The following RGPD5 variants were observed in gnomAD, a reference collection of about 807,000 sequenced individuals.
RGPD5 encodes the protein RANBP2-like and GRIP domain-containing protein 5/6.
At chr2:109,760,860 C>T in the RGPD5 span, among the ~76,000 whole-genome samples, 1 of 130,140 alleles carries the variant, frequency 7.7e-6, no homozygotes, top group Non-Finnish European at 1.6e-5. Flanking sequence ...GCCGGGTGCT[C>T]CGGGCGGCCG....
At chr2:109,766,161 G>A in the RGPD5 span, among the ~76,000 whole-genome samples, 1 of 150,972 alleles carries the variant, frequency 6.6e-6, no homozygotes, top group Non-Finnish European at 1.5e-5. Flanking sequence ...TTGGCCCTCA[G>A]CATGGGCCTG....
At chr2:109,799,182 T>G (rs1573999145) in intron 1 of RGPD5, among the ~76,000 whole-genome samples, 1 of 77,354 alleles carries the variant, frequency 1.3e-5, no homozygotes, top group East Asian at 3.5e-4. Context: ...GAGGTTGCAG[T>G]GAGCTGAGAT....
the RGPD5 span, among the ~76,000 whole-genome samples, chr2:109,763,989 A>G: frequency 2.1e-5 from 3 of 144,664 alleles, no homozygotes; most frequent in African/African-American, 7.7e-5. Context: ...ATAATTCACA[A>G]CTACCTCCTT....
chr2:109,765,609 G>T, the RGPD5 span, among the ~76,000 whole-genome samples: 1 of 150,168 alleles, frequency 6.7e-6, no homozygotes, highest in East Asian at 2.1e-4. Context: ...ATGGGTCCTG[G>T]AGTAGAATTT....
At chr2:109,764,301 C>T in the RGPD5 span, among the ~76,000 whole-genome samples, 3 of 146,750 alleles carry the variant, frequency 2.0e-5, no homozygotes, top group African/African-American at 2.5e-5. Context: ...TATGCAGAGG[C>T]GCAAGGCTGC....
the RGPD5 span, among the ~76,000 whole-genome samples, chr2:109,766,320 C>A: frequency 6.6e-6 from 1 of 150,848 alleles, no homozygotes; most frequent in Non-Finnish European, 1.5e-5. Flanking sequence ...GTTGCATCCG[C>A]TGTGGAGGAG....
At chr2:109,771,211 T>G in the RGPD5 span, among the ~76,000 whole-genome samples, 1 of 18,012 alleles carries the variant, frequency 5.6e-5, no homozygotes, top group Non-Finnish European at 8.9e-5. Flanking sequence ...CTACTCCAAC[T>G]CACATCTATG....
the RGPD5 span, among the ~76,000 whole-genome samples, chr2:109,766,846 C>T: frequency 2.0e-5 from 3 of 149,922 alleles, no homozygotes; most frequent in South Asian, 2.2e-4. Context: ...ATCGAGGCCC[C>T]GTAAAAGACG....
At chr2:109,763,428 A>G in the RGPD5 span, among the ~76,000 whole-genome samples, 1 of 150,348 alleles carries the variant, frequency 6.7e-6, no homozygotes, top group South Asian at 2.2e-4. Flanking sequence ...TTCAAAGCCC[A>G]GTGATCTGAC....
intron 1 of RGPD5, among the ~76,000 whole-genome samples, chr2:109,799,124 T>C (rs1288514911): frequency 3.7e-5 from 1 of 27,056 alleles, no homozygotes; most frequent in Non-Finnish European, 5.7e-5. Context: ...AAAAATTAGC[T>C]GGGCATGGTG....
the RGPD5 span, among the ~76,000 whole-genome samples, chr2:109,767,230 A>G: frequency 1.4e-5 from 2 of 146,772 alleles, no homozygotes; most frequent in South Asian, 4.6e-4. Flanking sequence ...GAAAGGCCGC[A>G]TAAGGTCAGA....
At chr2:109,770,072 A>C in the RGPD5 span, among the ~76,000 whole-genome samples, 1 of 108,560 alleles carries the variant, frequency 9.2e-6, no homozygotes, top group Non-Finnish European at 1.8e-5. Flanking sequence ...CACACACCAA[A>C]AAAAAGACTG....
intron 1 of RGPD5, 70 bp downstream of exon 1, chr2:109,794,607 G>GCC (rs1491536785): frequency 1.0e-5 from 5 of 488,750 alleles, no homozygotes; most frequent in Admixed American, 4.1e-4. Flanking sequence ...GGCGGCGGCG[G>GCC]CGGGGGGGGC....
the RGPD5 span, among the ~76,000 whole-genome samples, chr2:109,765,371 T>A: frequency 1.3e-5 from 2 of 150,336 alleles, 1 homozygote; most frequent in African/African-American, 4.9e-5. Flanking sequence ...TTTCCTGTCC[T>A]CTTTCTTTCT....
the RGPD5 span, among the ~76,000 whole-genome samples, chr2:109,760,649 C>T: frequency 7.0e-6 from 1 of 142,754 alleles, no homozygotes; most frequent in Non-Finnish European, 1.5e-5. Flanking sequence ...CCTTTCGTCG[C>T]AGCGCGCGGG....
At chr2:109,760,856 T>G in the RGPD5 span, among the ~76,000 whole-genome samples, 103 of 121,848 alleles carry the variant, frequency 8.5e-4, no homozygotes, top group Admixed American at 1.5e-3. Context: ...CTGGGCCGGG[T>G]GCTCCGGGCG....
the RGPD5 span, among the ~76,000 whole-genome samples, chr2:109,761,688 A>G: frequency 6.8e-6 from 1 of 147,526 alleles, no homozygotes; most frequent in East Asian, 2.1e-4. Context: ...TCCAACCAGC[A>G]CTATTCAGGT....
chr2:109,762,415 G>A, the RGPD5 span, among the ~76,000 whole-genome samples: 1 of 150,200 alleles, frequency 6.7e-6, no homozygotes, highest in Admixed American at 6.8e-5. Flanking sequence ...TTAAAAGGCA[G>A]TTTTTCAGTC....
the RGPD5 span, among the ~76,000 whole-genome samples, chr2:109,774,550 AAT>A: frequency 2.3e-4 from 23 of 98,928 alleles, 1 homozygote; most frequent in African/African-American, 6.2e-4. Context: ...AAATATATAT[AAT>A]ATATATATGT....
Sources: allele counts gnomAD v4.1 joint callset (sites outside exome capture counted in the v4.1 genomes callset), GRCh38; gene constraint gnomAD v4.1.1; transcripts MANE v1.5; gene names NCBI Gene and HGNC (gene_info 2026-07-23, HGNC 2026-07-21).